Variants in TBC1D5 observed in about 807,000 individuals in gnomAD.
The protein encoded by TBC1D5 is TBC1 domain family member 5.
A neutral mutation model predicts 100.3 loss-of-function variants in TBC1D5; 75 were observed. The observed-to-expected ratio is 0.75, with a 90% CI of 0.62 to 0.91. The LOEUF is 0.91. Ranked by LOEUF, TBC1D5 falls within the 40% of genes least tolerant of loss-of-function variation. The probability of loss-of-function intolerance (pLI) is 0.00; values close to 1 mark genes in which losing one functional copy is unlikely to be tolerated. For synonymous variants in TBC1D5, 323 were observed against 325.6 expected (o/e 0.99, Z 0.09); for missense variants, 910 against 942.4 (o/e 0.97, Z 0.45).
Position 17,536,241 on chromosome 3 carries a change from T to C in TBC1D5, c.-35-27636A>G, listed in dbSNP as rs540473305. 6.6e-5 allele frequency among the ~76,000 whole-genome samples: 10 copies of C among 152,334 alleles called. No homozygotes were observed. In the East Asian group the frequency reaches 1.9e-3, roughly 29 times the overall value. ...TTCTTTCAAAAATATAATGGTTATA[T>C]AAAGCTGCTGCATAGTCACAAAAGC... On this transcript the variant is annotated intron_variant, in intron 2 of 21. Transcript: ENST00000253692.
chr3:17,484,014 A>G (rs937767200), intron 3 of TBC1D5, among the ~76,000 whole-genome samples: 7 of 152,166 alleles, frequency 4.6e-5, no homozygotes, highest in Non-Finnish European at 5.9e-5. Flanking sequence ...AAACCATTAG[A>G]CAACTGGAGA....
chr3:17,535,457 A>G (rs1038818255), intron 2 of TBC1D5, among the ~76,000 whole-genome samples: 2 of 152,114 alleles, frequency 1.3e-5, no homozygotes, highest in African/African-American at 4.8e-5. Context: ...TGCATGGGAA[A>G]TCTTGTGCCT....
chr3:17,600,854 T>C (rs1451759466), intron 2 of TBC1D5, among the ~76,000 whole-genome samples: 1 of 152,190 alleles, frequency 6.6e-6, no homozygotes, highest in Non-Finnish European at 1.5e-5. Flanking sequence ...CCAAAGTCAA[T>C]CTTTTTTTAA....
chr3:17,490,625 G>C lies in TBC1D5; in HGVS notation c.97+17849C>G, dbSNP rs908743215. ...GTTTTTTTCAACAATAATGTTTGTA[G>C]TTGTGCAGTCTTATATCTGAGTTCT... On this transcript the variant is annotated intron_variant, in intron 3 of 21. Transcript: ENST00000253692. Among the ~76,000 whole-genome samples the C allele has an allele frequency of 3.3e-5, 5 of 152,026 alleles. No homozygotes were observed. In the South Asian group the frequency reaches 6.2e-4, roughly 19 times the overall value.
chr3:17,731,288 G>A (rs1199536664), intron 1 of TBC1D5, among the ~76,000 whole-genome samples: 2 of 152,080 alleles, frequency 1.3e-5, no homozygotes, highest in East Asian at 3.9e-4. Flanking sequence ...GGATCACGAG[G>A]TCAAGAGATT....
At chr3:17,344,686 C>G (rs1468799658) in intron 13 of TBC1D5, among the ~76,000 whole-genome samples, 2 of 152,136 alleles carry the variant, frequency 1.3e-5, no homozygotes, top group Non-Finnish European at 1.5e-5. Flanking sequence ...GCTACAGTAA[C>G]CAAAGCAGCA....
intron 18 of TBC1D5, among the ~76,000 whole-genome samples, chr3:17,189,899 G>C (rs538193959): frequency 6.6e-6 from 1 of 152,196 alleles, no homozygotes; most frequent in Non-Finnish European, 1.5e-5. Flanking sequence ...ATGATTGGCT[G>C]TATTGTTTTG....
chr3:17,374,952 A>G (rs2092643249), intron 10 of TBC1D5, among the ~76,000 whole-genome samples: 1 of 152,182 alleles, frequency 6.6e-6, no homozygotes, highest in Non-Finnish European at 1.5e-5. Flanking sequence ...TTCCTTGACT[A>G]TGATTCATCT....
intron 2 of TBC1D5, among the ~76,000 whole-genome samples, chr3:17,595,592 T>C (rs1289329110): frequency 3.3e-5 from 5 of 152,224 alleles, no homozygotes; most frequent in Admixed American, 1.3e-4. Context: ...AAATATGCTT[T>C]AGGTCATCAA....
At chr3:17,264,045 T>C (rs2078609039) in intron 15 of TBC1D5, among the ~76,000 whole-genome samples, 1 of 152,072 alleles carries the variant, frequency 6.6e-6, no homozygotes, top group Non-Finnish European at 1.5e-5. Flanking sequence ...CCCTTGGCCA[T>C]ACTCTGCACT....
chr3:17,291,063 T>A (rs1033779324), intron 15 of TBC1D5, among the ~76,000 whole-genome samples: 2 of 152,226 alleles, frequency 1.3e-5, no homozygotes, highest in African/African-American at 4.8e-5. Context: ...ACAGACAGAC[T>A]GACTGACTCA....
chr3:17,186,024 G>A (rs1344482991), intron 18 of TBC1D5, among the ~76,000 whole-genome samples: 3 of 146,322 alleles, frequency 2.1e-5, no homozygotes, highest in Non-Finnish European at 3.0e-5. Flanking sequence ...AAATTTGGAA[G>A]ATTATCGGAG....
intron 2 of TBC1D5, among the ~76,000 whole-genome samples, chr3:17,552,629 C>G (rs2153452747): frequency 6.6e-6 from 1 of 152,054 alleles, no homozygotes; most frequent in East Asian, 1.9e-4. Context: ...TGGTGGGAGA[C>G]AGAAAATAAA....
In TBC1D5 at chr3:17,437,062, T is replaced by C. The variant is rs73042811; in HGVS notation, c.98-8543A>G. Among the ~76,000 whole-genome samples, 150 of 152,292 alleles carry C rather than the reference T, an allele frequency of 9.8e-4. 1 individual carries two copies. The highest frequency in any genetic ancestry group is 3.5e-3 in the African/African-American group (144 of 41,554). ...GGAGAGCTCTACACTTATGAATTAA[T>C]TAATGTTGGTTATAAAATAGCTTAA... is the stretch of plus-strand genomic sequence containing the variant. On this transcript the variant is annotated intron_variant, in intron 3 of 21. Coordinates refer to ENST00000253692, the Ensembl canonical transcript of TBC1D5.
At chr3:17,159,274 A>G (rs755270975) in exon 22 of TBC1D5, 15 of 152,240 alleles carry the variant, frequency 9.9e-5, no homozygotes, top group Non-Finnish European at 1.5e-4. Flanking sequence ...AACCCTCTCT[A>G]CAGTAGCTGA....
chr3:17,182,105 G>C (rs1575786693), intron 19 of TBC1D5, among the ~76,000 whole-genome samples: 1 of 152,120 alleles, frequency 6.6e-6, no homozygotes, highest in African/African-American at 2.4e-5. Context: ...TGTTTTCCTT[G>C]AATCTTTGCT....
chr3:17,285,383 C>T (rs1415692246), intron 15 of TBC1D5, among the ~76,000 whole-genome samples: 1 of 150,536 alleles, frequency 6.6e-6, no homozygotes, highest in Admixed American at 6.6e-5. Flanking sequence ...GCCTCAGCCT[C>T]CCGAGTAGCT....
intron 8 of TBC1D5, among the ~76,000 whole-genome samples, chr3:17,387,103 T>C (rs1272276047): frequency 1.3e-5 from 2 of 152,112 alleles, no homozygotes; most frequent in Non-Finnish European, 2.9e-5. Flanking sequence ...CTTTAAATGA[T>C]GAAGAATCCA....
intron 2 of TBC1D5, among the ~76,000 whole-genome samples, chr3:17,583,921 C>G (rs1230258484): frequency 6.6e-6 from 1 of 152,128 alleles, no homozygotes; most frequent in Non-Finnish European, 1.5e-5. Flanking sequence ...TAGAGCAGCA[C>G]TATTCAGAGT....
Sources: allele counts gnomAD v4.1 joint callset (sites outside exome capture counted in the v4.1 genomes callset), GRCh38; gene constraint gnomAD v4.1.1; transcripts MANE v1.5; gene names NCBI Gene and HGNC (gene_info 2026-07-23, HGNC 2026-07-21).